Variants in DOCK1 observed in about 807,000 individuals in gnomAD.
DOCK1 encodes the protein dedicator of cytokinesis 1, also known as dedicator of cytokinesis protein 1.
DOCK1 carries 138 observed loss-of-function variants against 262.7 expected under a neutral mutation model. The observed-to-expected ratio is 0.53, with a 90% CI of 0.46 to 0.61. DOCK1 has a LOEUF of 0.61. Among genes scored for constraint, DOCK1 ranks in the 20% least tolerant of loss-of-function variants. DOCK1 has a pLI of 0.00. For synonymous variants in DOCK1, 866 were observed against 867.4 expected, an observed-to-expected ratio of 1.00 and a Z score of 0.03; for missense variants, 1,908 against 2,370.7, an observed-to-expected ratio of 0.80 and a Z score of 4.05.
At chr10:127,433,733 C>T (rs1056442745) in intron 48 of DOCK1, among the ~76,000 whole-genome samples, 2 of 152,140 alleles carry the variant, frequency 1.3e-5, no homozygotes, top group Non-Finnish European at 2.9e-5. Context: ...GCTTGTCCAC[C>T]CGCGGCCCAC....
intron 12 of DOCK1, among the ~76,000 whole-genome samples, chr10:127,016,947 C>T (rs1317200318): frequency 1.4e-5 from 2 of 145,510 alleles, no homozygotes; most frequent in Non-Finnish European, 3.0e-5. Context: ...ACACCACAGA[C>T]ACACAGAGAT....
At chr10:127,406,498 A>G (rs2067522541) in intron 40 of DOCK1, among the ~76,000 whole-genome samples, 2 of 152,188 alleles carry the variant, frequency 1.3e-5, no homozygotes, top group Admixed American at 1.3e-4. Flanking sequence ...ATCACACTTC[A>G]CAGATGAGCT....
chr10:127,384,905 G>C lies in DOCK1; in HGVS notation c.3923G>C (p.Gly1308Ala), dbSNP rs2066020459. Residue 1308 changes from glycine (G) to alanine (A), a missense_variant, in exon 38 of 52, where the codon GGC becomes GCC. Gly to Ala is a moderately conservative substitution (Grantham distance 60). Transcript: ENST00000623213. The stretch of plus-strand genomic sequence containing the variant: ...GAAATCATCCACTACTTCGACAAAG[G>C]CAAGGTAAAACACAAAAAGCAATTG... ...YQEIIHYFDK[G>A]KMWEEAIALG... 2 of 1,596,482 alleles carry C rather than the reference G, an allele frequency of 1.3e-6. No homozygotes were observed. Among genetic ancestry groups the C allele is most frequent in the Admixed American group, 3.6e-5 (2 of 55,688 alleles).
intron 38 of DOCK1, among the ~76,000 whole-genome samples, chr10:127,388,954 A>C (rs940235700): frequency 2.0e-5 from 3 of 152,230 alleles, no homozygotes; most frequent in African/African-American, 7.2e-5. Flanking sequence ...TATTCTGAGA[A>C]AGACGACGTC....
chr10:127,214,359 C>T (rs977024716), intron 27 of DOCK1, among the ~76,000 whole-genome samples: 1 of 152,200 alleles, frequency 6.6e-6, no homozygotes, highest in Non-Finnish European at 1.5e-5. Flanking sequence ...TTTAGTTTTA[C>T]CACATATTAA....
intron 17 of DOCK1, 125 bp downstream of exon 17, chr10:127,031,878 C>T: frequency 1.1e-6 from 1 of 950,398 alleles, no homozygotes; most frequent in Non-Finnish European, 1.6e-6. Context: ...TTTAATTATG[C>T]AAATGAACAT....
intron 33 of DOCK1, among the ~76,000 whole-genome samples, chr10:127,367,082 G>A (rs1413904393): frequency 6.6e-6 from 1 of 152,156 alleles, no homozygotes; most frequent in African/African-American, 2.4e-5. Flanking sequence ...GAGACCTGCT[G>A]GATTCAGAAG....
intron 21 of DOCK1, among the ~76,000 whole-genome samples, chr10:127,051,598 T>C (rs1422422901): frequency 6.6e-6 from 1 of 152,212 alleles, no homozygotes; most frequent in East Asian, 1.9e-4. Flanking sequence ...TTATGATTTT[T>C]TGAGACAAGG....
chr10:127,136,350 A>G (rs963605995), intron 27 of DOCK1: 1 of 152,164 alleles, frequency 6.6e-6, no homozygotes, highest in African/African-American at 2.4e-5. Flanking sequence ...AAGGTTAGCC[A>G]CTGTGTGTTT....
intron 9 of DOCK1, among the ~76,000 whole-genome samples, chr10:126,999,657 G>A (rs533132025): frequency 3.3e-4 from 51 of 152,252 alleles, no homozygotes; most frequent in African/African-American, 1.2e-3. Flanking sequence ...AACATGGAAT[G>A]TGCCTCTTAA....
At chr10:126,998,478 T>G (rs1052501726) in intron 8 of DOCK1, 15 of 482,070 alleles carry the variant, frequency 3.1e-5, no homozygotes, top group African/African-American at 2.7e-4. Flanking sequence ...CTCGTAGAGT[T>G]ATAGCAGTTG....
In DOCK1 at chr10:126,913,006, G is replaced by A. The variant is rs534860463; in HGVS notation, c.46+7443G>A. 2.2e-3 allele frequency among the ~76,000 whole-genome samples: 310 copies of A among 141,184 alleles called. 1 individual carries two copies. Among genetic ancestry groups the A allele is most frequent in the Middle Eastern group, 0.011 (3 of 268 alleles). 92.6% of individuals were successfully genotyped at this position (141,184 alleles called of 152,430 possible). On this transcript the variant is annotated intron_variant, in intron 1 of 51. Coordinates refer to ENST00000623213, the MANE Select transcript of DOCK1 (RefSeq NM_001290223.2). ...CTTTGAATTTTTTTTTTTTTTTCCTGCAAGCCCATGGGTCCCTGGTGCTAC... is the reference window on the plus strand; with the variant it reads ...CTTTGAATTTTTTTTTTTTTTTCCTACAAGCCCATGGGTCCCTGGTGCTAC...
intron 38 of DOCK1, among the ~76,000 whole-genome samples, chr10:127,396,569 C>T (rs1439939834): frequency 6.6e-6 from 1 of 152,178 alleles, no homozygotes; most frequent in East Asian, 1.9e-4. Flanking sequence ...AGTCCACTCC[C>T]TCACCAGTGG....
chr10:127,061,926 GTGCT>G, intron 23 of DOCK1, 150 bp downstream of exon 23: 3 of 391,318 alleles, frequency 7.7e-6, no homozygotes, highest in Non-Finnish European at 1.3e-5. Flanking sequence ...TTCAAGAGCT[GTGCT>G]TTTTTTTTTT....
chr10:127,367,751 C>T (rs1316514875), intron 33 of DOCK1, among the ~76,000 whole-genome samples: 1 of 152,184 alleles, frequency 6.6e-6, no homozygotes, highest in Non-Finnish European at 1.5e-5. Context: ...GACAGGAAGG[C>T]GTTCCCAGCG....
intron 46 of DOCK1, among the ~76,000 whole-genome samples, chr10:127,422,456 T>C (rs2134510757): frequency 6.6e-6 from 1 of 152,282 alleles, no homozygotes; most frequent in South Asian, 2.1e-4. Flanking sequence ...TGAGCCACCG[T>C]GCCTGGCCTG....
intron 23 of DOCK1, among the ~76,000 whole-genome samples, chr10:127,082,399 G>A (rs9418660): frequency 0.25 from 37,347 of 152,076 alleles, 5,486 homozygotes; most frequent in Middle Eastern, 0.36. Flanking sequence ...AGTTCCACAT[G>A]GCTGGGGAGG....
At chr10:127,431,254 G>A (rs1016658420) in intron 47 of DOCK1, among the ~76,000 whole-genome samples, 20 of 152,210 alleles carry the variant, frequency 1.3e-4, no homozygotes, top group African/African-American at 4.6e-4. Context: ...AATTGCATCA[G>A]ATGAAACAAA....
At chr10:127,447,852 A>C (rs2070689083) in intron 51 of DOCK1, among the ~76,000 whole-genome samples, 1 of 152,252 alleles carries the variant, frequency 6.6e-6, no homozygotes, top group Admixed American at 6.5e-5. Context: ...CATGGAGATC[A>C]TTCCACTGGA....
Sources: gnomAD v4.1 joint callset for allele counts (sites outside exome capture counted in the v4.1 genomes callset) on GRCh38, gnomAD v4.1.1 for gene constraint, MANE v1.5 for transcripts, NCBI Gene and HGNC (gene_info 2026-07-23, HGNC 2026-07-21) for gene names.